The following TMEM117 variants were observed in gnomAD, a reference collection of about 807,000 sequenced individuals.
TMEM117 encodes the protein transmembrane protein 117.
A neutral mutation model predicts 52.4 loss-of-function variants in TMEM117; 27 were observed. The observed-to-expected ratio is 0.51, with a 90% confidence interval of 0.38 to 0.71. TMEM117 has a LOEUF of 0.71. Ranked by LOEUF, TMEM117 falls within the 30% of genes least tolerant of loss-of-function variation. The pLI is 0.00. For synonymous variants in TMEM117, 215 were observed against 206.3 expected, an observed-to-expected ratio of 1.04 and a Z score of -0.36; for missense variants, 556 against 630.5, an observed-to-expected ratio of 0.88 and a Z score of 1.26.
At chr12:44,001,560 G>A (rs1369250735) in intron 3 of TMEM117, among the ~76,000 whole-genome samples, 3 of 152,102 alleles carry the variant, frequency 2.0e-5, no homozygotes, top group South Asian at 2.1e-4. Flanking sequence ...GGGGCTACAC[G>A]GAGGAAACAG....
intron 3 of TMEM117, among the ~76,000 whole-genome samples, chr12:44,027,100 T>TC (rs1946545729): frequency 1.4e-5 from 2 of 147,158 alleles, no homozygotes; most frequent in African/African-American, 2.5e-5. Flanking sequence ...TTTTATTTTA[T>TC]TTTATTTTAT....
At chr12:44,254,313 GAATC>G (rs774265685) in intron 5 of TMEM117, among the ~76,000 whole-genome samples, 79 of 151,974 alleles carry the variant, frequency 5.2e-4, no homozygotes, top group Admixed American at 4.7e-3. Flanking sequence ...CAGTAGATGA[GAATC>G]AATCAATTAG....
chr12:44,385,908 T>A (rs1952081731), intron 7 of TMEM117, among the ~76,000 whole-genome samples: 1 of 152,094 alleles, frequency 6.6e-6, no homozygotes, highest in East Asian at 1.9e-4. Flanking sequence ...CCCCTCAGCC[T>A]CTTTCTTCCA....
At chr12:43,867,108 G>A (rs1393635645) in intron 2 of TMEM117, among the ~76,000 whole-genome samples, 8 of 151,526 alleles carry the variant, frequency 5.3e-5, no homozygotes, top group African/African-American at 1.9e-4. Flanking sequence ...AAAAAAAAAA[G>A]AAAAGACAAC....
rs185812792 is a variant in TMEM117, at chr12:43,934,043, G to A, written c.278-10167G>A. ...TTAAGTTAAGTGATATCAAATTGCT[G>A]ATGTTTGGTGGGTTTTGACCTTAAA... On this transcript the variant is annotated intron_variant, in intron 2 of 7. Transcript: ENST00000266534. 3.7e-4 allele frequency among the ~76,000 whole-genome samples: 57 copies of A among 152,278 alleles called. No homozygotes were observed. The East Asian group carries it at 0.011, about 29-fold the overall frequency.
intron 3 of TMEM117, among the ~76,000 whole-genome samples, chr12:44,068,400 C>G (rs561654083): frequency 6.6e-6 from 1 of 152,154 alleles, no homozygotes; most frequent in Non-Finnish European, 1.5e-5. Flanking sequence ...TTAATCATTT[C>G]TAGCTTTTGA....
rs915428222 is a variant in TMEM117 at position 44,209,304 on chromosome 12, A to G, written c.511-1986A>G. On this transcript the variant is annotated intron_variant, in intron 4 of 7. Coordinates refer to ENST00000266534, the MANE Select transcript of TMEM117 (RefSeq NM_032256.3). The stretch of plus-strand genomic sequence containing the variant: ...TTGATTCATGGTTAATTTTTATTCT[A>G]TCATCTTCCCCTTACTCCTTTTGAT... Among the ~76,000 whole-genome samples, 35 of 152,030 alleles carry G rather than the reference A, an allele frequency of 2.3e-4. 1 individual carries two copies. Among genetic ancestry groups the G allele is most frequent in the Admixed American group, 2.2e-3 (33 of 15,250 alleles).
intron 1 of TMEM117, among the ~76,000 whole-genome samples, chr12:43,836,828 A>T (rs1943039221): frequency 6.6e-6 from 1 of 152,028 alleles, no homozygotes; most frequent in African/African-American, 2.4e-5. Flanking sequence ...AGAGAGAGAC[A>T]CGGGAGTAAA....
At chr12:44,242,324 G>T (rs1592634037) in intron 5 of TMEM117, among the ~76,000 whole-genome samples, 1 of 151,610 alleles carries the variant, frequency 6.6e-6, no homozygotes, top group Non-Finnish European at 1.5e-5. Context: ...CCAGTGTCTT[G>T]TTCCCTTCTT....
chr12:44,233,262 T>A lies in TMEM117; in HGVS notation c.608+21875T>A, dbSNP rs572293595. On this transcript the variant is annotated intron_variant, in intron 5 of 7. Transcript: ENST00000266534. ...TTACCTTTATCAGCTTAATGTTGTC[T>A]CCATTTCTAGTTTGCTTAGAATTTT... Among the ~76,000 whole-genome samples, 64 of 151,584 alleles carry A rather than the reference T, an allele frequency of 4.2e-4. 1 individual carries two copies. The South Asian group carries it at 0.013, about 30-fold the overall frequency.
At chr12:44,185,450 C>T (rs866477322) in intron 4 of TMEM117, among the ~76,000 whole-genome samples, 1 of 152,034 alleles carries the variant, frequency 6.6e-6, no homozygotes, top group Non-Finnish European at 1.5e-5. Flanking sequence ...TGCATATCTT[C>T]TAAGAAGAGC....
intron 3 of TMEM117, among the ~76,000 whole-genome samples, chr12:44,036,711 A>G (rs1946715633): frequency 6.6e-6 from 1 of 152,152 alleles, no homozygotes; most frequent in African/African-American, 2.4e-5. Context: ...AACATGTCCA[A>G]ATTTACAGAT....
intron 3 of TMEM117, among the ~76,000 whole-genome samples, chr12:44,057,813 A>G (rs749387081): frequency 1.3e-4 from 20 of 152,196 alleles, no homozygotes; most frequent in Non-Finnish European, 2.1e-4. Flanking sequence ...ATCTAGAAAT[A>G]GAAAAAATAT....
chr12:44,252,505 AAAAC>A (rs530874914), intron 5 of TMEM117, among the ~76,000 whole-genome samples: 80 of 152,240 alleles, frequency 5.3e-4, no homozygotes, highest in African/African-American at 1.6e-3. Context: ...CTCTGTCTCA[AAAAC>A]AAACAAACAA....
intron 2 of TMEM117, among the ~76,000 whole-genome samples, chr12:43,892,523 A>G (rs1233821945): frequency 6.6e-6 from 1 of 152,162 alleles, no homozygotes; most frequent in African/African-American, 2.4e-5. Context: ...CCCCAAATCC[A>G]AGTTCCCAGA....
In TMEM117 at chr12:44,177,325, A is replaced by G. The variant is rs1949129539; in HGVS notation, c.510+33701A>G. Among the ~76,000 whole-genome samples the G allele has an allele frequency of 2.0e-5, 3 of 152,320 alleles. No homozygotes were observed. The South Asian group carries it at 6.2e-4, about 32-fold the overall frequency. On this transcript the variant is annotated intron_variant, in intron 4 of 7. Transcript: ENST00000266534. ...CTTTTCTTCTTTACACAAAAAATTTACTGTTATAGCTCATTGAAGGCTCAA... is the reference window on the plus strand; with the variant it reads ...CTTTTCTTCTTTACACAAAAAATTTGCTGTTATAGCTCATTGAAGGCTCAA...
downstream of TMEM117, among the ~76,000 whole-genome samples, chr12:44,394,382 AC>A (rs1004037494): frequency 5.9e-5 from 9 of 152,110 alleles, no homozygotes; most frequent in East Asian, 1.7e-3. Flanking sequence ...TTTCAACAGA[AC>A]CCCCTTGGCT....
intron 4 of TMEM117, among the ~76,000 whole-genome samples, chr12:44,202,314 T>C (rs1052890796): frequency 1.3e-5 from 2 of 152,188 alleles, no homozygotes; most frequent in Admixed American, 1.3e-4. Flanking sequence ...ATGATGGTTC[T>C]TTGATGCCTA....
chr12:44,252,928 G>T (rs1950213195), intron 5 of TMEM117, among the ~76,000 whole-genome samples: 1 of 152,074 alleles, frequency 6.6e-6, no homozygotes. Context: ...AATGGTTGTG[G>T]TTATTAATTA....
Sources: allele counts gnomAD v4.1 joint callset (sites outside exome capture counted in the v4.1 genomes callset), GRCh38; gene constraint gnomAD v4.1.1; transcripts MANE v1.5; gene names NCBI Gene and HGNC (gene_info 2026-07-23, HGNC 2026-07-21).